The following GRM3 variants were observed in gnomAD, a reference collection of about 807,000 sequenced individuals.
GRM3 encodes metabotropic glutamate receptor 3.
In GRM3, 26 loss-of-function variants were observed where a neutral mutation model predicts 70.5. The observed-to-expected ratio is 0.37, with a 90% CI of 0.27 to 0.51. GRM3 has a LOEUF of 0.51. Among genes scored for constraint, GRM3 ranks in the 20% least tolerant of loss-of-function variants. The pLI, the probability that GRM3 is intolerant of heterozygous loss-of-function variation, is 0.93. For synonymous variants in GRM3, 443 were observed against 434.9 expected (o/e 1.02, Z -0.23); for missense variants, 859 against 1,123.8 (o/e 0.76, Z 3.37).
intron 5 of GRM3, among the ~76,000 whole-genome samples, chr7:86,863,781 T>C (rs1799005053): frequency 6.6e-6 from 1 of 152,154 alleles, no homozygotes; most frequent in Non-Finnish European, 1.5e-5. Flanking sequence ...ATTTTGCACA[T>C]TGTATTTAAA....
chr7:86,764,026 TG>T (rs1215675165), intron 1 of GRM3, among the ~76,000 whole-genome samples: 1 of 151,656 alleles, frequency 6.6e-6, no homozygotes, highest in Non-Finnish European at 1.5e-5. Context: ...TAGCAGGGGG[TG>T]AAGTGGAGAA....
intron 1 of GRM3, among the ~76,000 whole-genome samples, chr7:86,694,255 G>T (rs1490270957): frequency 6.6e-6 from 1 of 152,098 alleles, no homozygotes; most frequent in Non-Finnish European, 1.5e-5. Context: ...GCCGGGCGTG[G>T]TGGCTCACGC....
At chr7:86,789,461 A>G (rs899705836) in intron 3 of GRM3, among the ~76,000 whole-genome samples, 10 of 152,240 alleles carry the variant, frequency 6.6e-5, no homozygotes, top group Non-Finnish European at 5.9e-5. Flanking sequence ...GTAAAAGATT[A>G]TAAGTATGTA....
At chr7:86,827,919 T>C (rs577084955) in intron 3 of GRM3, among the ~76,000 whole-genome samples, 5 of 152,190 alleles carry the variant, frequency 3.3e-5, no homozygotes, top group East Asian at 3.9e-4. Context: ...GAGACCATCC[T>C]GGCTAACACG....
chr7:86,862,857 C>G (rs1245448923), intron 5 of GRM3, among the ~76,000 whole-genome samples: 1 of 152,068 alleles, frequency 6.6e-6, no homozygotes, highest in Non-Finnish European at 1.5e-5. Flanking sequence ...GGAATTTTGC[C>G]TAGGTAAAAT....
rs562013030 is a variant in GRM3 at position 86,700,140 on chromosome 7, T to G, written c.-141+55268T>G. ...CCAAGCTCATGAAACTGATATATAA[T>G]AGTCTGAATTCCATTTTATTGACTT... On this transcript the variant is annotated intron_variant, in intron 1 of 5. Transcript: ENST00000361669. Among the ~76,000 whole-genome samples, 592 of 152,082 alleles carry G rather than the reference T, an allele frequency of 3.9e-3. 3 individuals carry two copies. Among genetic ancestry groups the G allele is most frequent in the Non-Finnish European group, 6.0e-3 (407 of 67,932 alleles).
At chr7:86,859,963 GT>G (rs1360395855) in intron 5 of GRM3, among the ~76,000 whole-genome samples, 2 of 152,090 alleles carry the variant, frequency 1.3e-5, no homozygotes, top group Non-Finnish European at 1.5e-5. Flanking sequence ...TTACCCTTTT[GT>G]GATCAATAGT....
rs1796103372 is a variant in GRM3 at position 86,746,344 on chromosome 7, TATATATATATATATA to T, written c.-140-18661_-140-18647del. On this transcript the variant is annotated intron_variant, in intron 1 of 5. Transcript: ENST00000361669. ...CTAATAGAGGGTCAGTCATGTATTA[TATATATATATATATA>T]TATATATATATATATAATCACTTCA... Among the ~76,000 whole-genome samples the T allele has an allele frequency of 1.2e-4, 6 of 51,994 alleles. 1 individual carries two copies. The highest frequency in any genetic ancestry group is 1.4e-4 in the African/African-American group (3 of 21,916). The allele number at this position is 51,994 out of a possible 152,430, so 34.1% of individuals were successfully genotyped here.
At chr7:86,662,941 C>T (rs180846546) in intron 1 of GRM3, among the ~76,000 whole-genome samples, 1 of 151,812 alleles carries the variant, frequency 6.6e-6, no homozygotes, top group Admixed American at 6.6e-5. Flanking sequence ...AGTCTTTTCT[C>T]TAATGAGTTA....
intron 1 of GRM3, among the ~76,000 whole-genome samples, chr7:86,702,367 A>G (rs919239781): frequency 6.6e-6 from 1 of 152,014 alleles, no homozygotes; most frequent in Non-Finnish European, 1.5e-5. Flanking sequence ...GACAGAGTGA[A>G]CAATGTTCTT....
At chr7:86,742,777 T>C (rs1032412802) in intron 1 of GRM3, among the ~76,000 whole-genome samples, 1 of 152,178 alleles carries the variant, frequency 6.6e-6, no homozygotes, top group Admixed American at 6.6e-5. Context: ...CAAAGCACTT[T>C]AGGGAAAGTA....
chr7:86,715,583 C>T (rs188774261), intron 1 of GRM3, among the ~76,000 whole-genome samples: 37 of 152,104 alleles, frequency 2.4e-4, no homozygotes, highest in African/African-American at 8.7e-4. Flanking sequence ...ATCCTCAGAA[C>T]CTGACACAGC....
intron 3 of GRM3, among the ~76,000 whole-genome samples, chr7:86,816,200 T>C (rs1189340245): frequency 2.0e-5 from 3 of 151,898 alleles, no homozygotes; most frequent in Non-Finnish European, 4.4e-5. Context: ...ATTAAATGGG[T>C]AAACAAAGAA....
intron 3 of GRM3, among the ~76,000 whole-genome samples, chr7:86,831,664 AG>A (rs1798354542): frequency 6.6e-6 from 1 of 152,036 alleles, no homozygotes; most frequent in Non-Finnish European, 1.5e-5. Context: ...AGTTGCCTAG[AG>A]TATTGACAAT....
At chr7:86,803,929 A>G (rs954280213) in intron 3 of GRM3, among the ~76,000 whole-genome samples, 1 of 152,130 alleles carries the variant, frequency 6.6e-6, no homozygotes, top group Non-Finnish European at 1.5e-5. Context: ...ATTGCTTTTG[A>G]TCACAGTCAT....
intron 1 of GRM3, among the ~76,000 whole-genome samples, chr7:86,725,021 A>G (rs976907657): frequency 2.6e-5 from 4 of 152,100 alleles, no homozygotes; most frequent in African/African-American, 9.7e-5. Context: ...GCATTACCAG[A>G]TAATTCTTAT....
At chr7:86,655,852 GGGT>G (rs1793726468) in intron 1 of GRM3, among the ~76,000 whole-genome samples, 1 of 133,882 alleles carries the variant, frequency 7.5e-6, no homozygotes, top group African/African-American at 3.3e-5. Flanking sequence ...GTGTGTGTGT[GGGT>G]GGGTGGGTGT....
intron 1 of GRM3, among the ~76,000 whole-genome samples, chr7:86,649,856 C>T (rs945173601): frequency 6.6e-6 from 1 of 152,022 alleles, no homozygotes; most frequent in Non-Finnish European, 1.5e-5. Flanking sequence ...AAATATAGGA[C>T]ATGCATTGGG....
At chr7:86,661,596 T>C (rs187872746) in intron 1 of GRM3, among the ~76,000 whole-genome samples, 57 of 152,094 alleles carry the variant, frequency 3.7e-4, no homozygotes, top group African/African-American at 1.3e-3. Flanking sequence ...GTTCTTTTCC[T>C]AAGGTTAGAA....
Sources: allele counts gnomAD v4.1 joint callset (sites outside exome capture counted in the v4.1 genomes callset), GRCh38; gene constraint gnomAD v4.1.1; transcripts MANE v1.5; gene names NCBI Gene and HGNC (gene_info 2026-07-23, HGNC 2026-07-21).